Variants in ITGAE observed in about 807,000 individuals in gnomAD.
ITGAE encodes the protein integrin subunit alpha E, also known as integrin alpha-E.
A neutral mutation model predicts 136.5 loss-of-function variants in ITGAE; 99 were observed. The ratio of observed to expected loss-of-function variants is 0.73; its 90% CI spans 0.62 to 0.86. The LOEUF is 0.86. ITGAE is among the 40% of genes least tolerant of loss of function. The pLI, the probability that ITGAE is intolerant of heterozygous loss-of-function variation, is 0.00. For missense variants in ITGAE, 1,447 were observed against 1,515.3 expected (o/e 0.95, Z 0.75); for synonymous variants, 613 against 591.8 (o/e 1.04, Z -0.52).
At chr17:3,767,299 T>C (rs1313558412) in intron 2 of ITGAE, among the ~76,000 whole-genome samples, 4 of 152,132 alleles carry the variant, frequency 2.6e-5, no homozygotes, top group African/African-American at 9.6e-5. Flanking sequence ...GTTTTCACCA[T>C]GTTGGCCAGG....
At chr17:3,723,843 G>C in intron 26 of ITGAE, 99 bp from the exon 27 acceptor site, 1 of 1,538,968 alleles carries the variant, frequency 6.5e-7, no homozygotes, top group Non-Finnish European at 8.8e-7. Context: ...CATGCGCAGG[G>C]CCGGGAGCTA....
chr17:3,735,014 A>G, intron 20 of ITGAE, 65 bp from the exon 21 acceptor site: 1 of 1,568,454 alleles, frequency 6.4e-7, no homozygotes. Flanking sequence ...ACGCAATACA[A>G]TAGGACATTC....
At chr17:3,720,802 C>G (rs998174519) in intron 28 of ITGAE, among the ~76,000 whole-genome samples, 4 of 152,004 alleles carry the variant, frequency 2.6e-5, no homozygotes, top group Admixed American at 1.3e-4. Context: ...AGGCTTGTCT[C>G]GAACTCCTGA....
rs775340025 is a variant in ITGAE, at chr17:3,777,587, G to A, written c.108C>T (p.Phe36=). 1.3e-5 allele frequency: 21 copies of A among 1,613,766 alleles called. No homozygotes were observed. Among genetic ancestry groups the A allele is most frequent in the African/African-American group, 2.7e-5 (2 of 74,902 alleles). ...PWLTPKGGAP[F]VLSSLLHQDP... ...CTTGGTGCAGAAGGGAGCTGAGCAC[G>A]AAAGGGGCACCTCCCTTGGGCGTGA... The change falls in exon 2 of 31, where the codon TTC becomes TTT. Residue 36 remains phenylalanine, a synonymous_variant. Transcript: ENST00000263087.
At chr17:3,753,549 G>C (rs2051924318) in intron 13 of ITGAE, 119 bp from the exon 14 acceptor site, 3 of 1,303,804 alleles carry the variant, frequency 2.3e-6, no homozygotes, top group African/African-American at 3.0e-5. Flanking sequence ...ATATCAATTT[G>C]CTCACTGAGA....
intron 1 of ITGAE, among the ~76,000 whole-genome samples, chr17:3,788,371 C>A (rs1372696527): frequency 6.6e-6 from 1 of 151,330 alleles, no homozygotes; most frequent in African/African-American, 2.4e-5. Flanking sequence ...TTCACTGCAG[C>A]CTCAACTTCC....
At chr17:3,743,176 C>T (rs1425182772) in intron 19 of ITGAE, among the ~76,000 whole-genome samples, 1 of 152,210 alleles carries the variant, frequency 6.6e-6, no homozygotes. Flanking sequence ...AGCCGCTTGC[C>T]AAGTGAGGTC....
In ITGAE at chr17:3,760,171, C is replaced by T. The variant is rs1316454595; in HGVS notation, c.714+1G>A. The stretch of plus-strand genomic sequence containing the variant: ...GTTAACCAGCTCTTAGGGAAGCCCA[C>T]CTCAAAACACTTTTCATAGAAGTTC... On this transcript the variant is annotated splice_donor_variant, in intron 7 of 30. Coordinates refer to ENST00000263087, the MANE Select transcript of ITGAE (RefSeq NM_002208.5). LOFTEE classifies it high-confidence loss of function. 6.3e-7 allele frequency: 1 copy of T among 1,594,436 alleles called. No homozygotes were observed. The highest frequency in any genetic ancestry group is 1.3e-5 in the African/African-American group (1 of 74,528).
At chr17:3,760,141 T>G (rs370180091) in intron 7 of ITGAE, 31 bp downstream of exon 7, 120 of 1,256,612 alleles carry the variant, frequency 9.5e-5, no homozygotes, top group Non-Finnish European at 1.2e-4. Flanking sequence ...CAGCAATAGA[T>G]AAGTGTTAAC....
intron 22 of ITGAE, 152 bp from the exon 23 acceptor site, chr17:3,731,335 C>CTTTTT (rs78134599): frequency 2.3e-5 from 9 of 398,720 alleles, no homozygotes; most frequent in African/African-American, 4.4e-5. Context: ...CTTTCCCTTC[C>CTTTTT]TTTTTTTTTT....
intron 2 of ITGAE, among the ~76,000 whole-genome samples, chr17:3,767,939 A>G (rs2052337147): frequency 6.6e-6 from 1 of 152,164 alleles, no homozygotes; most frequent in Non-Finnish European, 1.5e-5. Context: ...GCCGTGAGCC[A>G]AGGAATGCAG....
chr17:3,746,582 C>A (rs7222145), intron 17 of ITGAE, among the ~76,000 whole-genome samples: 55 of 151,680 alleles, frequency 3.6e-4, no homozygotes. Context: ...CAGCCTCCCC[C>A]GTAGCTGGGA....
At chr17:3,723,162 G>A (rs1046621057) in intron 28 of ITGAE, 126 bp downstream of exon 28, 4 of 685,748 alleles carry the variant, frequency 5.8e-6, no homozygotes, top group African/African-American at 3.5e-5. Flanking sequence ...ACAGAGGGTT[G>A]GTTTTTTGCA....
chr17:3,726,279 CTG>C, intron 26 of ITGAE: 1 of 1,614,108 alleles, frequency 6.2e-7, no homozygotes, highest in Non-Finnish European at 8.5e-7. Context: ...CAGGACAATG[CTG>C]AACTTCAGCT....
In ITGAE at chr17:3,727,955, G is replaced by A; in HGVS notation, c.3048C>T (p.Leu1016=). 3.1e-6 allele frequency: 5 copies of A among 1,614,038 alleles called. No homozygotes were observed. The highest frequency in any genetic ancestry group is 1.7e-5 in the Admixed American group (1 of 60,008). The change falls in exon 26 of 31, where the codon CTC becomes CTT. Residue 1016 remains leucine (L), a synonymous_variant. Transcript: ENST00000263087. ...TCAGCTTCTTCACTGCTACAACCTG[G>A]AGACCTCGTAATTTGGTTGGGACGC... ...QICVPTKLRG[L]QVVAVKKLTR... is the part of the protein sequence containing the mutation.
rs764012136 is a variant in ITGAE, at chr17:3,751,642, T to C, written c.1893+8A>G. The C allele has an allele frequency of 3.1e-6, 5 of 1,611,722 alleles. No homozygotes were observed. The African/African-American group carries it at 5.4e-5, about 17-fold the overall frequency. ...AGAGGAGAGGAAGGAGAGGGCCCCA[T>C]GGGTCACCTGCGAGGGGCTGGCGGA... is the stretch of plus-strand genomic sequence containing the variant. On this transcript the variant is annotated splice_region_variant and intron_variant, in intron 15 of 30. Coordinates refer to ENST00000263087, the MANE Select transcript of ITGAE (RefSeq NM_002208.5).
chr17:3,731,794 C>T (rs867577118), intron 22 of ITGAE, among the ~76,000 whole-genome samples: 12 of 151,554 alleles, frequency 7.9e-5, no homozygotes, highest in African/African-American at 9.7e-5. Flanking sequence ...TCGTCTTGGC[C>T]GGGCATGGTG....
chr17:3,797,159 T>TATATATA (rs1567566801), intron 1 of ITGAE, among the ~76,000 whole-genome samples: 2 of 8,892 alleles, frequency 2.2e-4, no homozygotes, highest in African/African-American at 8.7e-4. Flanking sequence ...ATATATATAT[T>TATATATA]TTTTTTTTTT....
At chr17:3,725,711 T>C in intron 26 of ITGAE, 1 of 1,574,170 alleles carries the variant, frequency 6.4e-7, no homozygotes, top group Non-Finnish European at 8.6e-7. Flanking sequence ...ACCGGCCTGA[T>C]TTTTTTAAAG....
Sources: gnomAD v4.1 joint callset for allele counts (sites outside exome capture counted in the v4.1 genomes callset) on GRCh38, gnomAD v4.1.1 for gene constraint, MANE v1.5 for transcripts, NCBI Gene and HGNC (gene_info 2026-07-23, HGNC 2026-07-21) for gene names.